The following CFAP46 variants were observed in gnomAD, a reference collection of about 807,000 sequenced individuals.
The protein encoded by CFAP46 is cilia and flagella associated protein 46.
CFAP46 carries 245 observed loss-of-function variants against 325.7 expected under a neutral mutation model. That is an observed-to-expected ratio of 0.75 (90% CI 0.68 to 0.84). The LOEUF is 0.84. Ranked by LOEUF, CFAP46 falls within the 40% of genes least tolerant of loss-of-function variation. The probability of loss-of-function intolerance (pLI) is 0.00; values close to 1 mark genes in which losing one functional copy is unlikely to be tolerated. For synonymous variants in CFAP46, 1,523 were observed against 1,495.9 expected (o/e 1.02, Z -0.42); for missense variants, 3,346 against 3,543.0 (o/e 0.94, Z 1.41).
Position 132,939,073 on chromosome 10 carries a change from C to G in CFAP46, c.372-320G>C, listed in dbSNP as rs926941497. On this transcript the variant is annotated intron_variant, in intron 4 of 57. Coordinates refer to ENST00000368586, the MANE Select transcript of CFAP46 (RefSeq NM_001200049.3). The surrounding 1 kb of genome is among the most constrained non-coding windows in gnomAD (Gnocchi z 4.6). ...TTCATCAATTATTCCACAAACTGATCGGCCCCCTCCCATGAAAATACACCA... is the reference window on the plus strand; with the variant it reads ...TTCATCAATTATTCCACAAACTGATGGGCCCCCTCCCATGAAAATACACCA... 6.6e-6 allele frequency among the ~76,000 whole-genome samples: 1 copy of G among 152,168 alleles called. No homozygotes were observed. Among genetic ancestry groups the G allele is most frequent in the Admixed American group, 6.5e-5 (1 of 15,276 alleles).
At chr10:132,844,337 C>T (rs1351513236) in intron 44 of CFAP46, among the ~76,000 whole-genome samples, 1 of 152,170 alleles carries the variant, frequency 6.6e-6, no homozygotes, top group Non-Finnish European at 1.5e-5. Context: ...TCCGAATTGC[C>T]CAGTGGCCCC....
intron 50 of CFAP46, among the ~76,000 whole-genome samples, chr10:132,821,658 G>A (rs1296877917): frequency 1.4e-5 from 2 of 142,390 alleles, no homozygotes; most frequent in East Asian, 2.2e-4. Context: ...GTGCTGATGT[G>A]TGCTGTGTGT....
At chr10:132,810,263 G>A (rs1044314725) in intron 57 of CFAP46, 146 bp downstream of exon 57, 12 of 731,096 alleles carry the variant, frequency 1.6e-5, no homozygotes, top group East Asian at 5.0e-5. Context: ...CCCTCTTTCC[G>A]GCTCCTAGTT....
Position 132,910,074 on chromosome 10 carries a change from A to G in CFAP46, c.2500-6T>C. ...TTCAGGGCAAACTCGCAGACCTAGGACAGACGTGTTCTCGGTCACGAAACC... is the reference window on the plus strand; with the variant it reads ...TTCAGGGCAAACTCGCAGACCTAGGGCAGACGTGTTCTCGGTCACGAAACC... On this transcript the variant is annotated splice_region_variant and splice_polypyrimidine_tract_variant and intron_variant, in intron 19 of 57. Transcript: ENST00000368586. 6.9e-7 allele frequency: 1 copy of G among 1,441,250 alleles called. No individual in the cohort carries two copies. The highest frequency in any genetic ancestry group is 9.1e-7 in the Non-Finnish European group (1 of 1,093,428). 89.3% of individuals were successfully genotyped at this position (1,441,250 alleles called of 1,614,324 possible). A position where few individuals can be genotyped will look rare whatever the true frequency, so the allele number is the denominator to read the frequency against.
At chr10:132,910,540 G>A (rs908522320) in intron 19 of CFAP46, among the ~76,000 whole-genome samples, 3 of 152,252 alleles carry the variant, frequency 2.0e-5, no homozygotes, top group Non-Finnish European at 4.4e-5. Context: ...GTGACCAGGT[G>A]AGTTTCTTCA....
intron 13 of CFAP46, among the ~76,000 whole-genome samples, chr10:132,920,578 G>T (rs142547679): frequency 6.6e-6 from 1 of 152,196 alleles, no homozygotes; most frequent in Admixed American, 6.5e-5. Flanking sequence ...TCCGCATGAC[G>T]CCAGATGTTC....
chr10:132,920,938 G>T (rs1158522753), intron 13 of CFAP46, among the ~76,000 whole-genome samples: 1 of 152,252 alleles, frequency 6.6e-6, no homozygotes, highest in Non-Finnish European at 1.5e-5. Flanking sequence ...GTGAGTCTGG[G>T]TCCTACTGGT....
chr10:132,837,779 GCACA>G (rs1346216017), intron 44 of CFAP46, among the ~76,000 whole-genome samples: 4 of 120,338 alleles, frequency 3.3e-5, no homozygotes, highest in Admixed American at 8.8e-5. Flanking sequence ...GTACACAGAT[GCACA>G]CAGACATGCA....
At chr10:132,851,443 A>G in intron 39 of CFAP46, 138 bp from the exon 40 acceptor site, 1 of 774,076 alleles carries the variant, frequency 1.3e-6, no homozygotes, top group Non-Finnish European at 2.0e-6. Context: ...AAACTGACAC[A>G]CTTTGATCAC....
In CFAP46 at chr10:132,941,967, G is replaced by A. The variant is rs374011335; in HGVS notation, c.174+13C>T. On this transcript the variant is annotated intron_variant, in intron 2 of 57. Coordinates refer to ENST00000368586, the MANE Select transcript of CFAP46 (RefSeq NM_001200049.3). Reference sequence around the variant, plus strand: ...CAAAGCTGCCCTGACCGAGGATCCCGGGAACTAGTTACCTTCAGGGCCTGC... The same window carrying A: ...CAAAGCTGCCCTGACCGAGGATCCCAGGAACTAGTTACCTTCAGGGCCTGC... The A allele has an allele frequency of 1.5e-5, 23 of 1,551,328 alleles. No individual in the cohort carries two copies. In the Admixed American group the frequency reaches 1.6e-4, roughly 11 times the overall value.
At chr10:132,899,488 C>A (rs573539491) in intron 23 of CFAP46, 47 bp downstream of exon 23, 1 of 1,500,944 alleles carries the variant, frequency 6.7e-7, no homozygotes. Context: ...GGGTCCCGCA[C>A]GGCCGGGGAG....
At chr10:132,908,774 G>C (rs1233148077) in intron 21 of CFAP46, 140 bp from the exon 22 acceptor site, 1 of 1,094,296 alleles carries the variant, frequency 9.1e-7, no homozygotes, top group Non-Finnish European at 1.3e-6. Context: ...CACAAAAGCT[G>C]AGCTGCCACG....
At position 132,877,564 on chromosome 10, in the gene CFAP46, G is replaced by T. The variant is rs1023278956; in HGVS notation, c.4212+317C>A. Among the ~76,000 whole-genome samples, 1 of 152,216 alleles carries T rather than the reference G, an allele frequency of 6.6e-6. No individual in the cohort carries two copies. The highest frequency in any genetic ancestry group is 2.4e-5 in the African/African-American group (1 of 41,454). On this transcript the variant is annotated intron_variant, in intron 30 of 57. Transcript: ENST00000368586. The surrounding 1 kb of genome is among the most constrained non-coding windows in gnomAD (Gnocchi z 5.7). Reference sequence around the variant, plus strand: ...CTGTGCAAACTGCGTGCATTACGTGGCTAGCTCCAGGCCCGGGATTCCTGC... The same window carrying T: ...CTGTGCAAACTGCGTGCATTACGTGTCTAGCTCCAGGCCCGGGATTCCTGC...
chr10:132,823,100 GTGC>G (rs1282874658), intron 50 of CFAP46, among the ~76,000 whole-genome samples: 1 of 143,214 alleles, frequency 7.0e-6, no homozygotes, highest in Non-Finnish European at 1.5e-5. Context: ...TGCTTTGTAT[GTGC>G]TGATGTGTGC....
In CFAP46 at chr10:132,808,497, C is replaced by T. The variant is rs184248256; in HGVS notation, c.8072G>A (p.Gly2691Asp). The change falls in exon 58 of 58, where the codon GGC (glycine) becomes GAC (aspartate). Residue 2691 changes from glycine (G) to aspartate (D), a missense_variant. Gly to Asp is a moderately conservative substitution (Grantham distance 94). Transcript: ENST00000368586. This position sits in a 1 kb window ranked among gnomAD's most constrained non-coding sequence, Gnocchi z 6.8. ...CAGCACCAGCGCCGCCAAGGGGAGGCCGCCCTTGTCCTGGCCCCGGGAAGA... is the reference window on the plus strand; with the variant it reads ...CAGCACCAGCGCCGCCAAGGGGAGGTCGCCCTTGTCCTGGCCCCGGGAAGA... ...CVSSRGQDKG[G>D]LPLAALVLSC... 1.2e-6 allele frequency: 2 copies of T among 1,613,240 alleles called. No individual in the cohort carries two copies. Among genetic ancestry groups the T allele is most frequent in the East Asian group, 4.5e-5 (2 of 44,878 alleles).
chr10:132,888,764 GCCTGCACCTGCCA>G (rs1849213624), intron 25 of CFAP46, among the ~76,000 whole-genome samples: 1 of 64,774 alleles, frequency 1.5e-5, no homozygotes, highest in African/African-American at 9.6e-5. Flanking sequence ...CACCCCTGCC[GCCTGCACCTGCCA>G]CCTTCACCCC....
chr10:132,912,674 T>C lies in CFAP46; in HGVS notation c.2480A>G (p.Glu827Gly), dbSNP rs748402180. The C allele has an allele frequency of 1.4e-5, 22 of 1,549,208 alleles. No individual in the cohort carries two copies. Among genetic ancestry groups the C allele is most frequent in the Non-Finnish European group, 1.7e-5 (20 of 1,146,902 alleles). Residue 827 changes from glutamate to glycine, a missense_variant, in exon 19 of 58, where the codon GAG (glutamate) becomes GGG (glycine). Glu to Gly is a moderately conservative substitution (Grantham distance 98). Transcript: ENST00000368586. The stretch of plus-strand genomic sequence containing the variant: ...TGGTACCTCCACCGCTGTTTTGATC[T>C]CGGAAGTGGCTCCTGCGTCCAGTGG... ...HSPLDAGATS[E>G]IKTAVEVCEF...
intron 8 of CFAP46, among the ~76,000 whole-genome samples, chr10:132,934,444 C>G (rs777192399): frequency 2.6e-5 from 4 of 152,204 alleles, no homozygotes; most frequent in Non-Finnish European, 5.9e-5. Context: ...TCCAGAGAAA[C>G]CTGTGTTTTC....
chr10:132,932,968 C>T (rs1267941815), intron 8 of CFAP46, among the ~76,000 whole-genome samples: 1 of 152,224 alleles, frequency 6.6e-6, no homozygotes, highest in Non-Finnish European at 1.5e-5. Flanking sequence ...GAAGAGCAGC[C>T]GCCCACAGTG....
Sources: gnomAD v4.1 joint callset for allele counts (sites outside exome capture counted in the v4.1 genomes callset) on GRCh38, gnomAD v4.1.1 for gene constraint, Gnocchi (gnomAD v3.1) non-coding constraint, MANE v1.5 for transcripts, NCBI Gene and HGNC (gene_info 2026-07-23, HGNC 2026-07-21) for gene names.